The following HERC3 variants were observed in gnomAD, a reference collection of about 807,000 sequenced individuals.
The protein encoded by HERC3 is HECT and RLD domain containing E3 ubiquitin protein ligase 3.
In HERC3, 58 loss-of-function variants were observed where a neutral mutation model predicts 129.9. The observed-to-expected ratio is 0.45, with a 90% CI of 0.36 to 0.56. The LOEUF (loss-of-function observed/expected upper bound fraction) is 0.56, where lower values mean the gene tolerates loss of function less well. Among genes scored for constraint, HERC3 ranks in the 20% least tolerant of loss-of-function variants. HERC3 has a pLI of 0.00. For synonymous variants in HERC3, 430 were observed against 451.0 expected, an observed-to-expected ratio of 0.95 and a Z score of 0.59; for missense variants, 835 against 1,244.2, an observed-to-expected ratio of 0.67 and a Z score of 4.95.
rs192383987 is a variant in HERC3 at position 88,624,786 on chromosome 4, C to T, written c.226+18737C>T. Among the ~76,000 whole-genome samples the T allele has an allele frequency of 1.6e-4, 24 of 152,240 alleles. No homozygotes were observed. The South Asian group carries it at 2.9e-3, about 18-fold the overall frequency. ...CTAAGAATTTTACCTAACTCACAGT[C>T]GTAATGATTGTTTTCCTAAGTTTTC... On this transcript the variant is annotated intron_variant, in intron 3 of 25. Coordinates refer to ENST00000402738, the MANE Select transcript of HERC3 (RefSeq NM_014606.3).
At chr4:88,526,382 A>G in the HERC3 span, among the ~76,000 whole-genome samples, 1 of 152,188 alleles carries the variant, frequency 6.6e-6, no homozygotes, top group Admixed American at 6.5e-5. Context: ...TGAACCTGCA[A>G]TCCAAAGAAA....
intron 3 of HERC3, among the ~76,000 whole-genome samples, chr4:88,622,941 C>G (rs1225461266): frequency 6.6e-6 from 1 of 151,858 alleles, no homozygotes; most frequent in Admixed American, 6.6e-5. Context: ...AAAACAAAAA[C>G]AAAAATGCAG....
the HERC3 span, among the ~76,000 whole-genome samples, chr4:88,585,835 G>T: frequency 1.4e-5 from 2 of 147,304 alleles, no homozygotes; most frequent in African/African-American, 2.6e-5. Context: ...TTAACTAGAA[G>T]ATTTTAACAT....
the HERC3 span, among the ~76,000 whole-genome samples, chr4:88,570,316 A>G: frequency 6.6e-6 from 1 of 152,218 alleles, no homozygotes; most frequent in East Asian, 1.9e-4. Flanking sequence ...ACAAGTGTGG[A>G]TTTGAGAGAA....
the HERC3 span, among the ~76,000 whole-genome samples, chr4:88,566,326 G>T: frequency 1.3e-5 from 2 of 152,150 alleles, no homozygotes; most frequent in Non-Finnish European, 1.5e-5. Flanking sequence ...ATTTTAACCT[G>T]ATGAGAGCTT....
At chr4:88,558,909 A>T in the HERC3 span, among the ~76,000 whole-genome samples, 1 of 151,246 alleles carries the variant, frequency 6.6e-6, no homozygotes, top group Non-Finnish European at 1.5e-5. Context: ...CGGAGCTTGC[A>T]GTGAGCCGAG....
chr4:88,691,689 A>G (rs1372088282), intron 23 of HERC3, among the ~76,000 whole-genome samples: 1 of 152,244 alleles, frequency 6.6e-6, no homozygotes, highest in African/African-American at 2.4e-5. Flanking sequence ...TGCACAAAAT[A>G]GAAATCTTAC....
chr4:88,655,764 G>A, intron 8 of HERC3, 111 bp from the exon 9 acceptor site: 1 of 1,039,870 alleles, frequency 9.6e-7, no homozygotes, highest in South Asian at 1.6e-5. Flanking sequence ...CATGGGAAAG[G>A]CTCTATAGGA....
chr4:88,658,525 A>G (rs1730155975), intron 10 of HERC3, 34 bp downstream of exon 10: 2 of 1,110,970 alleles, frequency 1.8e-6, no homozygotes, highest in African/African-American at 1.6e-5. Flanking sequence ...ATTTCCAGGA[A>G]GGAATAATAG....
At chr4:88,632,682 T>C (rs1726907796) in intron 3 of HERC3, among the ~76,000 whole-genome samples, 1 of 152,130 alleles carries the variant, frequency 6.6e-6, no homozygotes, top group Admixed American at 6.5e-5. Flanking sequence ...TCAATGAAGT[T>C]GAAGATAGAT....
chr4:88,651,973 T>C, intron 4 of HERC3, 39 bp from the exon 5 acceptor site: 2 of 1,275,704 alleles, frequency 1.6e-6, no homozygotes. Context: ...TGTTTGTGTG[T>C]GAATATCTAT....
chr4:88,584,965 T>C, the HERC3 span, among the ~76,000 whole-genome samples: 1 of 152,216 alleles, frequency 6.6e-6, no homozygotes, highest in South Asian at 2.1e-4. Flanking sequence ...CAAAATACCA[T>C]ACATAGACTA....
At chr4:88,579,054 G>T in the HERC3 span, among the ~76,000 whole-genome samples, 3 of 152,014 alleles carry the variant, frequency 2.0e-5, no homozygotes, top group Non-Finnish European at 4.4e-5. Flanking sequence ...CAAATAATTG[G>T]TTTATGTAGG....
At chr4:88,576,276 C>T in the HERC3 span, among the ~76,000 whole-genome samples, 6 of 152,168 alleles carry the variant, frequency 3.9e-5, no homozygotes, top group Admixed American at 2.6e-4. Flanking sequence ...CCACCCTTGC[C>T]GTCTTTCCAG....
chr4:88,541,936 C>T, the HERC3 span, among the ~76,000 whole-genome samples: 349 of 152,294 alleles, frequency 2.3e-3, 1 homozygote, highest in African/African-American at 7.7e-3. Context: ...CTCTGGGACA[C>T]ATTTAAAGCA....
At chr4:88,579,232 A>AAAAAATATATATATATATATAT in the HERC3 span, among the ~76,000 whole-genome samples, 2 of 104,096 alleles carry the variant, frequency 1.9e-5, no homozygotes, top group African/African-American at 1.2e-4. Flanking sequence ...AAAAAAAAAA[A>AAAAAATATATATATATATATAT]ATATATATAT....
the HERC3 span, among the ~76,000 whole-genome samples, chr4:88,547,055 T>A: frequency 1.3e-5 from 2 of 152,178 alleles, no homozygotes; most frequent in South Asian, 4.1e-4. Context: ...TTTCTTTCTT[T>A]CATCCTAAAC....
At chr4:88,678,491 A>G (rs1553941766) in intron 19 of HERC3, among the ~76,000 whole-genome samples, 1 of 152,202 alleles carries the variant, frequency 6.6e-6, no homozygotes, top group Non-Finnish European at 1.5e-5. Context: ...AAGATTTAAG[A>G]GAAAGAAGGT....
At chr4:88,536,738 TA>T in the HERC3 span, among the ~76,000 whole-genome samples, 2 of 149,578 alleles carry the variant, frequency 1.3e-5, no homozygotes, top group Non-Finnish European at 2.9e-5. Context: ...GTAATTTAGC[TA>T]CCTGTGAAAA....
Sources: gnomAD v4.1 joint callset for allele counts (sites outside exome capture counted in the v4.1 genomes callset) on GRCh38, gnomAD v4.1.1 for gene constraint, MANE v1.5 for transcripts, NCBI Gene and HGNC (gene_info 2026-07-23, HGNC 2026-07-21) for gene names.